TULP4: variants seen among roughly 807,000 people sequenced by gnomAD.
TULP4 encodes the protein tubby-related protein 4.
Under a neutral mutation model 129.0 loss-of-function variants are expected in TULP4, and 16 were observed. The ratio of observed to expected loss-of-function variants is 0.12; its 90% confidence interval spans 0.08 to 0.19. TULP4 has a LOEUF of 0.19. TULP4 is among the 10% of genes least tolerant of loss of function. The pLI is 1.00. For missense variants in TULP4, 1,842 were observed against 2,059.1 expected (o/e 0.89, Z 2.04); for synonymous variants, 998 against 854.0 (o/e 1.17, Z -2.94).
chr6:158,510,798 C>G lies in TULP4; in HGVS notation c.*4104C>G, dbSNP rs1274590138. ...TCCCCAAAACCACAGGAATATATAC[C>G]TAGGTCACCTCAAATTCCTGAGTGT... On this transcript the variant is annotated 3_prime_UTR_variant, in exon 14 of 14. Coordinates refer to ENST00000367097, the MANE Select transcript of TULP4 (RefSeq NM_020245.5). The G allele has an allele frequency of 1.3e-5, 2 of 152,082 alleles. No individual in the cohort carries two copies. The highest frequency in any genetic ancestry group is 1.9e-4 in the East Asian group (1 of 5,142). 9.4% of individuals were successfully genotyped at this position (152,082 alleles called of 1,614,324 possible).
intron 1 of TULP4, among the ~76,000 whole-genome samples, chr6:158,240,679 A>G (rs368850559): frequency 0.22 from 15,939 of 73,980 alleles, 3,464 homozygotes; most frequent in African/African-American, 0.27. Flanking sequence ...CAGACGGGGC[A>G]GCTGGCCAGG....
chr6:158,284,830 G>A (rs1298889012), intron 1 of TULP4, among the ~76,000 whole-genome samples: 4 of 152,214 alleles, frequency 2.6e-5, no homozygotes, highest in Non-Finnish European at 4.4e-5. Flanking sequence ...CAGTGGTTAA[G>A]TAACTTGCCC....
chr6:158,399,171 G>A (rs1170925785), intron 1 of TULP4, among the ~76,000 whole-genome samples: 1 of 152,158 alleles, frequency 6.6e-6, no homozygotes, highest in Non-Finnish European at 1.5e-5. Flanking sequence ...AGAAAAAAGG[G>A]CAGAGGCAAG....
Position 158,501,989 on chromosome 6 carries a change from C to A in TULP4, c.2326C>A (p.Pro776Thr). ...IIQNPPPLSL[P>T]PPPQGPMQLS... ...TCAGAACCCCCCTCCACTGTCCCTG[C>A]CTCCCCCGCCGCAGGGGCCCATGCA... Residue 776 changes from proline (P) to threonine (T), a missense_variant, in exon 13 of 14, where the codon CCT becomes ACT. By Grantham distance (38) the Pro-to-Thr change is conservative. Around this residue, in one of 5 missense-constraint regions of TULP4, gnomAD observed 1,089 missense variants for 987.1 expected, o/e 1.10. Transcript: ENST00000367097. The A allele has an allele frequency of 6.2e-7, 1 of 1,613,700 alleles. No homozygotes were observed. Among genetic ancestry groups the A allele is most frequent in the Non-Finnish European group, 8.5e-7 (1 of 1,179,914 alleles).
At position 158,333,758 on chromosome 6, in the gene TULP4, G is replaced by A. The variant is rs78631701; in HGVS notation, c.252+19490G>A. 5.4e-3 allele frequency among the ~76,000 whole-genome samples: 823 copies of A among 152,230 alleles called. 13 individuals are homozygous for A. The highest frequency in any genetic ancestry group is 0.019 in the African/African-American group (782 of 41,546). On this transcript the variant is annotated intron_variant, in intron 1 of 13. Coordinates refer to ENST00000367097, the MANE Select transcript of TULP4 (RefSeq NM_020245.5). ...CGTGTCATGAATGCATAAAATAAAT[G>A]CAGGTACTGTTCTATTTTGTCATTT...
intron 1 of TULP4, among the ~76,000 whole-genome samples, chr6:158,306,380 A>G (rs933318557): frequency 6.6e-6 from 1 of 152,208 alleles, no homozygotes; most frequent in African/African-American, 2.4e-5. Context: ...AACATTGGGA[A>G]ACCCTGTCTC....
chr6:158,447,657 A>C (rs1457770389), intron 3 of TULP4, among the ~76,000 whole-genome samples: 1 of 152,176 alleles, frequency 6.6e-6, no homozygotes, highest in Non-Finnish European at 1.5e-5. Flanking sequence ...ATAGCTATGG[A>C]CTGTCTCTCC....
chr6:158,455,136 G>A (rs866791210), intron 5 of TULP4, among the ~76,000 whole-genome samples: 1 of 22,322 alleles, frequency 4.5e-5, no homozygotes. Flanking sequence ...CTGCAATGGC[G>A]CAATCTCGGC....
intron 1 of TULP4, among the ~76,000 whole-genome samples, chr6:158,253,012 G>A (rs980869421): frequency 2.6e-5 from 4 of 152,198 alleles, no homozygotes; most frequent in African/African-American, 7.2e-5. Flanking sequence ...AAGCTTACGC[G>A]TTGGCAGGGA....
chr6:158,248,501 C>T (rs1583673640), intron 1 of TULP4, among the ~76,000 whole-genome samples: 1 of 152,146 alleles, frequency 6.6e-6, no homozygotes, highest in South Asian at 2.1e-4. Flanking sequence ...GACCTCCTGA[C>T]CTTCTGATCT....
At chr6:158,477,017 G>A (rs1359082660) in intron 6 of TULP4, among the ~76,000 whole-genome samples, 1 of 152,140 alleles carries the variant, frequency 6.6e-6, no homozygotes, top group Non-Finnish European at 1.5e-5. Flanking sequence ...TATTCATGTG[G>A]GAGAGTAGAA....
At chr6:158,304,919 A>G (rs111503376) in intron 1 of TULP4, among the ~76,000 whole-genome samples, 1,939 of 152,194 alleles carry the variant, frequency 0.013, 44 homozygotes, top group African/African-American at 0.045. Context: ...CTCCTGCCTC[A>G]GCCTCCCAAT....
chr6:158,419,166 A>T (rs1466388341), intron 2 of TULP4, among the ~76,000 whole-genome samples: 3 of 152,256 alleles, frequency 2.0e-5, no homozygotes, highest in South Asian at 2.1e-4. Context: ...CAGACCAGCT[A>T]TTCAAGAGCT....
chr6:158,307,876 TA>T (rs975167678), upstream of TULP4, among the ~76,000 whole-genome samples: 12 of 151,810 alleles, frequency 7.9e-5, no homozygotes, highest in African/African-American at 2.7e-4. Context: ...GGATAAAAAA[TA>T]AAAAAAATCA....
chr6:158,249,149 C>T (rs1213538944), intron 1 of TULP4, among the ~76,000 whole-genome samples: 4 of 151,306 alleles, frequency 2.6e-5, no homozygotes, highest in South Asian at 4.2e-4. Context: ...AAGATGAATG[C>T]GGTTGACACT....
At chr6:158,273,985 T>A (rs6920506) in intron 1 of TULP4, among the ~76,000 whole-genome samples, 26,276 of 152,042 alleles carry the variant, frequency 0.17, 2,704 homozygotes, top group Middle Eastern at 0.24. Context: ...CCGGGCTGGG[T>A]GCAGTGGCTC....
intron 3 of TULP4, among the ~76,000 whole-genome samples, chr6:158,444,476 G>A (rs1348897357): frequency 6.6e-6 from 1 of 151,852 alleles, no homozygotes; most frequent in Non-Finnish European, 1.5e-5. Flanking sequence ...ACCTCCTTCA[G>A]GAACTAGTTC....
chr6:158,479,306 C>G (rs1779886270), intron 6 of TULP4, among the ~76,000 whole-genome samples: 1 of 152,208 alleles, frequency 6.6e-6, no homozygotes, highest in Admixed American at 6.5e-5. Flanking sequence ...AGAAACCTTA[C>G]TACCCAGAGC....
chr6:158,458,709 T>C lies in TULP4; in HGVS notation c.860-2854T>C, dbSNP rs149286137. Among the ~76,000 whole-genome samples the C allele has an allele frequency of 2.1e-4, 32 of 152,342 alleles. No individual in the cohort carries two copies. The East Asian group carries it at 6.0e-3, about 28-fold the overall frequency. On this transcript the variant is annotated intron_variant, in intron 5 of 13. Transcript: ENST00000367097. ...CTATATCTAGGCTTCTGTATCCTTC[T>C]CTTCTTTATCATAATGACATGTAGA...
Sources: allele counts gnomAD v4.1 joint callset (sites outside exome capture counted in the v4.1 genomes callset), GRCh38; gene constraint gnomAD v4.1.1; regional missense constraint gnomAD v4.1.1; transcripts MANE v1.5; gene names NCBI Gene and HGNC (gene_info 2026-07-23, HGNC 2026-07-21).